The following PKN2 variants were observed in gnomAD, a reference collection of about 807,000 sequenced individuals.
The protein encoded by PKN2 is serine/threonine-protein kinase N2.
Under a neutral mutation model 119.1 loss-of-function variants are expected in PKN2, and 38 were observed. That is an observed-to-expected ratio of 0.32 (90% confidence interval 0.25 to 0.42). The LOEUF (loss-of-function observed/expected upper bound fraction) is 0.42. Ranked by LOEUF, PKN2 falls within the 10% of genes least tolerant of loss-of-function variation. PKN2 has a pLI of 1.00. For synonymous variants in PKN2, 390 were observed against 384.9 expected (o/e 1.01, Z -0.15); for missense variants, 850 against 1,165.1 (o/e 0.73, Z 3.94).
intron 8 of PKN2, among the ~76,000 whole-genome samples, chr1:88,786,617 T>A (rs1391010897): frequency 1.3e-5 from 2 of 152,162 alleles, no homozygotes; most frequent in African/African-American, 2.4e-5. Context: ...TGTTTGTGTC[T>A]TTCAAGAATA....
intron 2 of PKN2, among the ~76,000 whole-genome samples, chr1:88,742,452 A>G (rs1217102651): frequency 6.6e-6 from 1 of 152,078 alleles, no homozygotes; most frequent in Non-Finnish European, 1.5e-5. Context: ...ACCTTGTAAG[A>G]ATAATCGAAA....
At chr1:88,785,431 T>G (rs1293106116) in intron 7 of PKN2, among the ~76,000 whole-genome samples, 2 of 152,190 alleles carry the variant, frequency 1.3e-5, no homozygotes, top group Non-Finnish European at 2.9e-5. Flanking sequence ...GCCTTGATTC[T>G]TTTAATGGTT....
chr1:88,804,851 CT>C lies in PKN2; in HGVS notation c.1437del (p.Phe479LeufsTer32). Reference sequence around the variant, plus strand: ...TTGAATTTTCTTCACTGCAGGTTACCTTTTTTAATCCAGTTATTGAAAGAAG... The same window carrying C: ...TTGAATTTTCTTCACTGCAGGTTACCTTTTTAATCCAGTTATTGAAAGAAG... ...PQGTLFAEVTFFNPVIERRPK... is the reference protein window; with the variant it reads ...PQGTLFAEVTXFNPVIERRPK... On this transcript the variant is annotated frameshift_variant, in exon 10 of 22. Coordinates refer to ENST00000370521, the MANE Select transcript of PKN2 (RefSeq NM_006256.4). LOFTEE classifies it high-confidence loss of function. 5.8e-6 allele frequency: 9 copies of C among 1,554,882 alleles called. No homozygotes were observed. The highest frequency in any genetic ancestry group is 1.8e-5 in the Admixed American group (1 of 55,298).
intron 19 of PKN2, chr1:88,829,069 T>C (rs1213653490): frequency 3.0e-6 from 2 of 669,424 alleles, no homozygotes; most frequent in Admixed American, 4.0e-5. Context: ...CTGAAGTTCC[T>C]GGGGAAGCAA....
intron 1 of PKN2, among the ~76,000 whole-genome samples, chr1:88,695,052 G>T (rs1295549024): frequency 6.6e-6 from 1 of 151,984 alleles, no homozygotes; most frequent in East Asian, 1.9e-4. Flanking sequence ...GCGTGAACCC[G>T]GGAGGCAGAG....
intron 8 of PKN2, among the ~76,000 whole-genome samples, chr1:88,798,859 A>C (rs988179922): frequency 5.3e-5 from 8 of 152,222 alleles, no homozygotes; most frequent in African/African-American, 1.9e-4. Flanking sequence ...GCTGCGTTCA[A>C]AAAACCTTGG....
At chr1:88,746,755 G>A (rs1214101928) in intron 2 of PKN2, among the ~76,000 whole-genome samples, 1 of 151,994 alleles carries the variant, frequency 6.6e-6, no homozygotes, top group African/African-American at 2.4e-5. Context: ...TCCTCTTCTG[G>A]GTATATATTC....
intron 19 of PKN2, chr1:88,829,124 C>T: frequency 1.4e-6 from 1 of 733,286 alleles, no homozygotes; most frequent in Admixed American, 1.8e-5. Context: ...AGGAGAAAAC[C>T]TATGGTAGCT....
intron 8 of PKN2, among the ~76,000 whole-genome samples, chr1:88,802,632 G>A (rs1671368560): frequency 6.6e-6 from 1 of 152,042 alleles, no homozygotes. Context: ...AGCCTATAAT[G>A]TACTTTAGTT....
chr1:88,785,181 C>A (rs775407260), intron 7 of PKN2, among the ~76,000 whole-genome samples: 27 of 152,072 alleles, frequency 1.8e-4, no homozygotes, highest in Admixed American at 1.3e-4. Context: ...TGCTCTGTTG[C>A]CCAGGCTGGG....
chr1:88,704,636 C>A (rs1488791466), intron 1 of PKN2, among the ~76,000 whole-genome samples: 2 of 151,950 alleles, frequency 1.3e-5, no homozygotes, highest in African/African-American at 2.4e-5. Flanking sequence ...TGGTTGTTAA[C>A]CAGGTGCGGT....
intron 6 of PKN2, among the ~76,000 whole-genome samples, chr1:88,779,670 A>G (rs1236105113): frequency 6.6e-6 from 1 of 152,176 alleles, no homozygotes; most frequent in South Asian, 2.1e-4. Context: ...AACAAACCTT[A>G]AAATTTTTGA....
intron 2 of PKN2, among the ~76,000 whole-genome samples, chr1:88,750,923 T>C (rs1051564818): frequency 3.3e-5 from 5 of 152,194 alleles, no homozygotes; most frequent in Non-Finnish European, 5.9e-5. Flanking sequence ...TTTCTTTAAT[T>C]CAACGTAAAC....
At chr1:88,744,467 C>T (rs1033824944) in intron 2 of PKN2, among the ~76,000 whole-genome samples, 2 of 152,214 alleles carry the variant, frequency 1.3e-5, no homozygotes, top group East Asian at 3.8e-4. Context: ...TGTCACCAGG[C>T]TGGAGTGCAG....
At chr1:88,827,530 C>G (rs1672546412) in intron 18 of PKN2, among the ~76,000 whole-genome samples, 1 of 151,478 alleles carries the variant, frequency 6.6e-6, no homozygotes, top group Admixed American at 6.6e-5. Flanking sequence ...CATGTTGGTG[C>G]CCAAAAAGTT....
chr1:88,684,542 G>A lies in PKN2; in HGVS notation c.-39G>A, dbSNP rs1488225814. ...CGTCCCGCCTTCTCCCTTCGCCAGA[G>A]GCGGCCGCGTCCAGGTGCGGAGTCC... On this transcript the variant is annotated 5_prime_UTR_variant, in exon 1 of 22. Transcript: ENST00000370521. The A allele has an allele frequency of 2.0e-6, 3 of 1,530,354 alleles. No individual in the cohort carries two copies. Among genetic ancestry groups the A allele is most frequent in the South Asian group, 1.2e-5 (1 of 83,482 alleles). The allele number at this position is 1,530,354 out of a possible 1,614,324, so 94.8% of individuals were successfully genotyped here. A position where few individuals can be genotyped will look rare whatever the true frequency, so the allele number is the denominator to read the frequency against.
intron 16 of PKN2, among the ~76,000 whole-genome samples, chr1:88,820,951 G>GTCAAAC (rs1238803587): frequency 3.3e-5 from 5 of 152,160 alleles, no homozygotes; most frequent in Non-Finnish European, 5.9e-5. Context: ...AATTGAAAAA[G>GTCAAAC]TCAAACATGG....
intron 1 of PKN2, among the ~76,000 whole-genome samples, chr1:88,705,165 C>T (rs1181032665): frequency 6.6e-6 from 1 of 151,366 alleles, no homozygotes; most frequent in African/African-American, 2.4e-5. Context: ...TTTCCAGGAG[C>T]AGAAGTTCTT....
chr1:88,802,326 TAA>T, intron 8 of PKN2, among the ~76,000 whole-genome samples: 1 of 151,994 alleles, frequency 6.6e-6, no homozygotes, highest in African/African-American at 2.4e-5. Context: ...TTATAAATTT[TAA>T]TTTTTTTTTT....
Sources: gnomAD v4.1 joint callset for allele counts (sites outside exome capture counted in the v4.1 genomes callset) on GRCh38, gnomAD v4.1.1 for gene constraint, MANE v1.5 for transcripts, NCBI Gene and HGNC (gene_info 2026-07-23, HGNC 2026-07-21) for gene names.